Variants in NUP37 observed in about 807,000 individuals in gnomAD.
The protein encoded by NUP37 is nucleoporin Nup37.
Under a neutral mutation model 45.4 loss-of-function variants are expected in NUP37, and 33 were observed. That is an observed-to-expected ratio of 0.73 (90% CI 0.55 to 0.97). NUP37 has a LOEUF of 0.97. Ranked by LOEUF, NUP37 falls within the 50% of genes least tolerant of loss-of-function variation. The pLI is 0.00. For missense variants in NUP37, 365 were observed against 389.7 expected (o/e 0.94, Z 0.53); for synonymous variants, 127 against 130.7 (o/e 0.97, Z 0.19).
At chr12:102,111,034 A>C (rs1880300287) in intron 3 of NUP37, among the ~76,000 whole-genome samples, 1 of 152,254 alleles carries the variant, frequency 6.6e-6, no homozygotes. Context: ...AGCAAAAAAT[A>C]ATAACTAAAG....
At chr12:102,077,811 G>C (rs1028327300) in intron 6 of NUP37, among the ~76,000 whole-genome samples, 2 of 152,070 alleles carry the variant, frequency 1.3e-5, no homozygotes, top group African/African-American at 4.8e-5. Context: ...AAACATAAAT[G>C]AATTTCATGT....
intron 3 of NUP37, among the ~76,000 whole-genome samples, chr12:102,105,851 G>A (rs1424907105): frequency 7.5e-6 from 1 of 132,910 alleles, no homozygotes; most frequent in Non-Finnish European, 1.6e-5. Flanking sequence ...GACAGAGCGG[G>A]ACTCCCTCTC....
chr12:102,096,258 T>A (rs987554830), intron 5 of NUP37, among the ~76,000 whole-genome samples: 1 of 152,140 alleles, frequency 6.6e-6, no homozygotes, highest in Non-Finnish European at 1.5e-5. Flanking sequence ...GAACCCAATT[T>A]TCTTATAAAC....
intron 1 of NUP37, among the ~76,000 whole-genome samples, chr12:102,119,691 A>T (rs1880679128): frequency 6.6e-6 from 1 of 152,178 alleles, no homozygotes; most frequent in African/African-American, 2.4e-5. Context: ...TTGAAGGGTG[A>T]CCAGCAAGTG....
intron 5 of NUP37, 35 bp from the exon 6 acceptor site, chr12:102,085,891 C>G (rs1390450323): frequency 1.0e-6 from 1 of 995,412 alleles, no homozygotes; most frequent in Admixed American, 2.3e-5. Flanking sequence ...GTTAATTGTT[C>G]TTGATATATC....
intron 3 of NUP37, among the ~76,000 whole-genome samples, chr12:102,109,177 G>A (rs1880240777): frequency 1.3e-5 from 2 of 152,080 alleles, no homozygotes. Context: ...TCAGAGAACT[G>A]AAATAACATG....
chr12:102,114,765 A>G (rs955013749), intron 2 of NUP37, among the ~76,000 whole-genome samples: 1 of 149,182 alleles, frequency 6.7e-6, no homozygotes, highest in Admixed American at 6.6e-5. Flanking sequence ...TGAAAAAAAG[A>G]GTTTACACAA....
rs949697739 is a variant in NUP37, at chr12:102,085,241, G to A, written c.540+525C>T. Among the ~76,000 whole-genome samples the A allele has an allele frequency of 5.9e-5, 9 of 152,092 alleles. No individual in the cohort carries two copies. The South Asian group carries it at 6.2e-4, about 11-fold the overall frequency. On this transcript the variant is annotated intron_variant, in intron 6 of 9. Coordinates refer to ENST00000552283, the MANE Select transcript of NUP37 (RefSeq NM_024057.4). ...TTGAGAGCACCCTGGGTAACATGGC[G>A]AAACCTCAGCCCTACCAAAAATACA...
chr12:102,094,633 T>C (rs548756635), intron 5 of NUP37, among the ~76,000 whole-genome samples: 1 of 152,076 alleles, frequency 6.6e-6, no homozygotes, highest in Non-Finnish European at 1.5e-5. Flanking sequence ...TAAAAATCAT[T>C]TTTCCTCTTG....
At chr12:102,075,905 G>A (rs761365981) in intron 8 of NUP37, among the ~76,000 whole-genome samples, 2 of 151,588 alleles carry the variant, frequency 1.3e-5, no homozygotes, top group Admixed American at 1.3e-4. Flanking sequence ...TAATTGTTCG[G>A]CAAATGGAGT....
chr12:102,075,182 CTTTTTT>C (rs1240366038), intron 8 of NUP37, 88 bp from the exon 9 acceptor site: 1 of 809,404 alleles, frequency 1.2e-6, no homozygotes, highest in Admixed American at 2.8e-5. Context: ...TTTTCTTTTT[CTTTTTT>C]TTTAAGAGAC....
In NUP37 at chr12:102,104,456, C is replaced by G. The variant is rs1290988161; in HGVS notation, c.282-3352G>C. Among the ~76,000 whole-genome samples the G allele has an allele frequency of 2.0e-5, 3 of 152,248 alleles. No homozygotes were observed. The East Asian group carries it at 5.8e-4, about 29-fold the overall frequency. Reference sequence around the variant, plus strand: ...CTCTGTTGACTTCCCTTGCCATGTACTAGTTTTAAAGTTTGATTTAGTCTC... The same window carrying G: ...CTCTGTTGACTTCCCTTGCCATGTAGTAGTTTTAAAGTTTGATTTAGTCTC... On this transcript the variant is annotated intron_variant, in intron 3 of 9. Coordinates refer to ENST00000552283, the MANE Select transcript of NUP37 (RefSeq NM_024057.4).
rs1311962208 is a variant in NUP37 at position 102,120,047 on chromosome 12, C to G, written c.-66+3G>C. The stretch of plus-strand genomic sequence containing the variant: ...CCTCTCGGGCTCCCAGCTCGATACG[C>G]ACCGCAGAGCGCCAGGAACCGACCA... On this transcript the variant is annotated splice_donor_region_variant and intron_variant, in intron 1 of 9. Transcript: ENST00000552283. The G allele has an allele frequency of 6.5e-6, 1 of 154,488 alleles. No individual in the cohort carries two copies. The highest frequency in any genetic ancestry group is 1.4e-5 in the Non-Finnish European group (1 of 69,248). 9.6% of individuals were successfully genotyped at this position (154,488 alleles called of 1,614,324 possible).
chr12:102,079,490 T>C (rs1413565807), intron 6 of NUP37, among the ~76,000 whole-genome samples: 1 of 152,212 alleles, frequency 6.6e-6, no homozygotes, highest in African/African-American at 2.4e-5. Context: ...TTAGGTTCCC[T>C]GCCAGCCTTT....
intron 8 of NUP37, among the ~76,000 whole-genome samples, chr12:102,075,756 G>A (rs575121372): frequency 6.6e-5 from 10 of 152,158 alleles, no homozygotes; most frequent in African/African-American, 2.4e-4. Flanking sequence ...CCTTTTCCAT[G>A]CTAAGTGAAG....
chr12:102,074,435 A>C lies in NUP37; in HGVS notation c.900T>G (p.Ser300=). 4 of 1,611,390 alleles carry C rather than the reference A, an allele frequency of 2.5e-6. No homozygotes were observed. The highest frequency in any genetic ancestry group is 3.4e-6 in the Non-Finnish European group (4 of 1,178,386). The change falls in exon 10 of 10, where the codon TCT becomes TCG. Residue 300 remains serine, a synonymous_variant. Coordinates refer to ENST00000552283, the MANE Select transcript of NUP37 (RefSeq NM_024057.4). The part of the protein sequence containing the change: ...PILMGSVAVG[S]GLSWHRTLPL... ...GGAGAGTTCGATGCCAGGACAGTCC[A>C]GATCCAACGGCTACAGAACCCATGA...
At chr12:102,080,802 A>C (rs1203188904) in intron 6 of NUP37, among the ~76,000 whole-genome samples, 1 of 152,202 alleles carries the variant, frequency 6.6e-6, no homozygotes, top group East Asian at 1.9e-4. Flanking sequence ...TATAGTATGC[A>C]GTGGGGAAGG....
intron 2 of NUP37, chr12:102,115,697 G>C (rs184172564): frequency 2.5e-5 from 8 of 326,252 alleles, no homozygotes; most frequent in African/African-American, 1.8e-4. Flanking sequence ...TCTGAAAAAT[G>C]CTTTATTGAA....
intron 6 of NUP37, among the ~76,000 whole-genome samples, chr12:102,081,967 G>C (rs1879343660): frequency 6.6e-6 from 1 of 152,072 alleles, no homozygotes; most frequent in South Asian, 2.1e-4. Context: ...CAAGGTGCTG[G>C]GATTACAGGC....
Sources: gnomAD v4.1 joint callset for allele counts (sites outside exome capture counted in the v4.1 genomes callset) on GRCh38, gnomAD v4.1.1 for gene constraint, MANE v1.5 for transcripts, NCBI Gene and HGNC (gene_info 2026-07-23, HGNC 2026-07-21) for gene names.